ASTN2: variants seen among roughly 807,000 people sequenced by gnomAD.
The protein encoded by ASTN2 is astrotactin 2, also known as astrotactin-2.
In ASTN2, 54 loss-of-function variants were observed where a neutral mutation model predicts 139.8. That is an observed-to-expected ratio of 0.39 (90% confidence interval 0.31 to 0.48). The LOEUF is 0.48. ASTN2 is among the 20% of genes least tolerant of loss of function. The probability of loss-of-function intolerance (pLI) is 0.95; values close to 1 mark genes in which losing one functional copy is unlikely to be tolerated. For missense variants in ASTN2, 1,565 were observed against 1,725.1 expected, an observed-to-expected ratio of 0.91 and a Z score of 1.64; for synonymous variants, 756 against 719.5, an observed-to-expected ratio of 1.05 and a Z score of -0.81.
At chr9:116,613,204 T>C (rs1375070992) in intron 19 of ASTN2, 1 of 152,148 alleles carries the variant, frequency 6.6e-6, no homozygotes, top group Non-Finnish European at 1.5e-5. Flanking sequence ...AATAGACCAA[T>C]AACAGGTTCT....
At chr9:117,027,665 C>A (rs1838126555) in intron 6 of ASTN2, among the ~76,000 whole-genome samples, 1 of 152,186 alleles carries the variant, frequency 6.6e-6, no homozygotes, top group Non-Finnish European at 1.5e-5. Context: ...AAGCTTTACC[C>A]AGATCTGCCC....
chr9:116,930,805 T>C (rs1015464555), intron 10 of ASTN2, among the ~76,000 whole-genome samples: 2 of 152,184 alleles, frequency 1.3e-5, no homozygotes, highest in African/African-American at 2.4e-5. Context: ...GAATCATCCT[T>C]GACCTTTACA....
intron 1 of ASTN2, among the ~76,000 whole-genome samples, chr9:117,373,777 G>A (rs2130916730): frequency 6.6e-6 from 1 of 152,290 alleles, no homozygotes; most frequent in South Asian, 2.1e-4. Flanking sequence ...GGACAATTAG[G>A]AAGTAATTAA....
intron 1 of ASTN2, among the ~76,000 whole-genome samples, chr9:117,319,135 G>A (rs1204056613): frequency 6.6e-6 from 1 of 152,132 alleles, no homozygotes; most frequent in African/African-American, 2.4e-5. Flanking sequence ...CTCTTTGTAT[G>A]GATGAGCTTT....
At chr9:116,831,463 T>C (rs1831812429) in intron 11 of ASTN2, among the ~76,000 whole-genome samples, 1 of 152,210 alleles carries the variant, frequency 6.6e-6, no homozygotes, top group Non-Finnish European at 1.5e-5. Flanking sequence ...AACACCTACC[T>C]ACTCAGTGCT....
chr9:117,110,728 C>T (rs1829228475), intron 4 of ASTN2, among the ~76,000 whole-genome samples: 2 of 152,128 alleles, frequency 1.3e-5, no homozygotes, highest in South Asian at 4.1e-4. Context: ...GAGGAAGTAG[C>T]CAGCACAGGA....
intron 2 of ASTN2, among the ~76,000 whole-genome samples, chr9:117,286,459 A>C (rs10733627): frequency 6.6e-6 from 1 of 151,500 alleles, no homozygotes. Context: ...GCAAGCAGGC[A>C]GATCACGAGG....
At chr9:117,250,310 C>T (rs1021550643) in intron 2 of ASTN2, among the ~76,000 whole-genome samples, 1 of 152,202 alleles carries the variant, frequency 6.6e-6, no homozygotes, top group African/African-American at 2.4e-5. Flanking sequence ...TGCCCTCCTA[C>T]TTCACAAGTT....
intron 5 of ASTN2, among the ~76,000 whole-genome samples, chr9:117,076,064 C>T (rs1330652441): frequency 2.0e-5 from 3 of 152,152 alleles, no homozygotes; most frequent in African/African-American, 7.2e-5. Flanking sequence ...GTAGTCTCTG[C>T]CCTTGCAGGC....
At chr9:117,409,860 T>C (rs1225141517) in intron 1 of ASTN2, among the ~76,000 whole-genome samples, 5 of 152,170 alleles carry the variant, frequency 3.3e-5, no homozygotes, top group Admixed American at 2.6e-4. Context: ...CTGGCCAGGT[T>C]CCTGGCACCT....
intron 4 of ASTN2, among the ~76,000 whole-genome samples, chr9:117,101,885 G>A (rs1486183573): frequency 6.6e-6 from 1 of 152,192 alleles, no homozygotes; most frequent in Non-Finnish European, 1.5e-5. Context: ...AATAGCAGAT[G>A]TTGGTGAGGT....
chr9:117,159,276 T>C (rs1830496254), intron 3 of ASTN2, among the ~76,000 whole-genome samples: 2 of 151,984 alleles, frequency 1.3e-5, no homozygotes, highest in Admixed American at 1.3e-4. Context: ...CTTTGCACCA[T>C]TGTAATTAAG....
chr9:117,033,106 C>G (rs1255865360), intron 6 of ASTN2, among the ~76,000 whole-genome samples: 1 of 152,162 alleles, frequency 6.6e-6, no homozygotes, highest in Non-Finnish European at 1.5e-5. Flanking sequence ...TGGTGACACT[C>G]TGTGTGAAGT....
chr9:117,404,702 C>A (rs1830931286), intron 1 of ASTN2, among the ~76,000 whole-genome samples: 1 of 152,098 alleles, frequency 6.6e-6, no homozygotes, highest in Non-Finnish European at 1.5e-5. Context: ...GCGGCTACAT[C>A]TCAGACTCCA....
intron 19 of ASTN2, among the ~76,000 whole-genome samples, chr9:116,616,232 A>G (rs960837427): frequency 2.0e-5 from 3 of 152,218 alleles, no homozygotes; most frequent in Non-Finnish European, 4.4e-5. Flanking sequence ...TTAAAGAGAA[A>G]GCAAGACTAG....
At chr9:116,553,255 C>T (rs548352285) in intron 19 of ASTN2, among the ~76,000 whole-genome samples, 27 of 152,236 alleles carry the variant, frequency 1.8e-4, no homozygotes, top group Middle Eastern at 6.8e-3. Context: ...GATAATCACT[C>T]GGACCTCACT....
At chr9:116,732,783 A>T (rs1037373011) in intron 14 of ASTN2, among the ~76,000 whole-genome samples, 15 of 152,326 alleles carry the variant, frequency 9.8e-5, no homozygotes, top group African/African-American at 3.4e-4. Flanking sequence ...AAAGTGGAGT[A>T]GAAAGGGCAA....
chr9:117,108,734 C>T (rs772167123), intron 4 of ASTN2, among the ~76,000 whole-genome samples: 32 of 152,182 alleles, frequency 2.1e-4, no homozygotes, highest in Admixed American at 3.9e-4. Context: ...TGTGACCTTG[C>T]TTTGTCAAAT....
intron 1 of ASTN2, among the ~76,000 whole-genome samples, chr9:117,355,832 A>T (rs1240654967): frequency 1.3e-5 from 2 of 152,070 alleles, no homozygotes; most frequent in Non-Finnish European, 2.9e-5. Context: ...ATGCTGGGGG[A>T]CATGGGAGCA....
Sources: gnomAD v4.1 joint callset for allele counts (sites outside exome capture counted in the v4.1 genomes callset) on GRCh38, gnomAD v4.1.1 for gene constraint, MANE v1.5 for transcripts, NCBI Gene and HGNC (gene_info 2026-07-23, HGNC 2026-07-21) for gene names.